The following ANO10 variants were observed in gnomAD, a reference collection of about 807,000 sequenced individuals.
ANO10 encodes the protein anoctamin 10.
Under a neutral mutation model 74.7 loss-of-function variants are expected in ANO10, and 77 were observed. The ratio of observed to expected loss-of-function variants is 1.03; its 90% CI spans 0.86 to 1.25. ANO10 has a LOEUF of 1.25. Ranked by LOEUF, ANO10 falls within the 50% of genes most tolerant of loss-of-function variation. ANO10 has a pLI of 0.00. For synonymous variants in ANO10, 279 were observed against 284.9 expected (o/e 0.98, Z 0.21); for missense variants, 721 against 778.1 (o/e 0.93, Z 0.87).
intron 12 of ANO10, 70 bp from the exon 13 acceptor site, chr3:43,367,044 G>T: frequency 6.9e-7 from 1 of 1,453,592 alleles, no homozygotes; most frequent in Non-Finnish European, 9.5e-7. Context: ...TCTGCTCTCT[G>T]TGGAAGCCTG....
In ANO10 at chr3:43,556,874, T is replaced by A. The variant is rs904991166; in HGVS notation, c.1477-1405A>T. Among the ~76,000 whole-genome samples, 5 of 152,178 alleles carry A rather than the reference T, an allele frequency of 3.3e-5. No individual in the cohort carries two copies. In the South Asian group the frequency reaches 1.0e-3, roughly 32 times the overall value. ...ACATACCAGTAAGCCTAGTAGATAA[T>A]AAAAAGGGTAAAAACTGAAGGAAGA... On this transcript the variant is annotated intron_variant, in intron 9 of 12. Transcript: ENST00000292246.
intron 12 of ANO10, among the ~76,000 whole-genome samples, chr3:43,382,518 CA>C (rs71616090): frequency 0.28 from 26,346 of 92,580 alleles, 2,549 homozygotes; most frequent in Middle Eastern, 0.48. Context: ...GACTCCGTCT[CA>C]AAAAAAAAAA....
At chr3:43,461,540 A>G (rs1253317055) in intron 11 of ANO10, among the ~76,000 whole-genome samples, 1 of 152,300 alleles carries the variant, frequency 6.6e-6, no homozygotes, top group East Asian at 1.9e-4. Context: ...CACTGGAGCA[A>G]GTCATCCCTG....
chr3:43,519,325 A>G (rs1242682878), intron 11 of ANO10, among the ~76,000 whole-genome samples: 2 of 152,172 alleles, frequency 1.3e-5, no homozygotes, highest in Non-Finnish European at 2.9e-5. Context: ...TCCACAGAGC[A>G]CATTACATAC....
chr3:43,606,520 G>T (rs1243242797), intron 1 of ANO10, among the ~76,000 whole-genome samples: 1 of 152,052 alleles, frequency 6.6e-6, no homozygotes, highest in Non-Finnish European at 1.5e-5. Context: ...GAGTGTGGGA[G>T]GCCAGTTAGG....
At chr3:43,597,401 G>A (rs1056474771) in intron 4 of ANO10, among the ~76,000 whole-genome samples, 8 of 152,144 alleles carry the variant, frequency 5.3e-5, no homozygotes, top group African/African-American at 1.9e-4. Context: ...AGAAAATGTG[G>A]CACATATACA....
intron 12 of ANO10, among the ~76,000 whole-genome samples, chr3:43,412,112 G>C (rs1229079593): frequency 6.7e-5 from 10 of 150,374 alleles, no homozygotes; most frequent in Admixed American, 4.7e-4. Flanking sequence ...AGGCTATCTG[G>C]ATAGTTATAA....
At position 43,577,092 on chromosome 3, in the gene ANO10, G is replaced by A. The variant is rs1559730126; in HGVS notation, c.762C>T (p.Ser254=). 6.2e-7 allele frequency: 1 copy of A among 1,614,092 alleles called. No homozygotes were observed. The highest frequency in any genetic ancestry group is 2.2e-5 in the East Asian group (1 of 44,880). The part of the protein sequence containing the change: ...VIFASFNLIW[S]TVILELWKRG... ...GCTTCCACAGTTCCAGAATCACCGT[G>A]GACCAGATGAGGTTGAACGAGGCAA... The change falls in exon 6 of 13, where the codon TCC becomes TCT. Residue 254 remains serine (S), a synonymous_variant. Transcript: ENST00000292246.
At chr3:43,658,935 G>A (rs1461461546) in intron 1 of ANO10, among the ~76,000 whole-genome samples, 1 of 152,012 alleles carries the variant, frequency 6.6e-6, no homozygotes, top group Non-Finnish European at 1.5e-5. Flanking sequence ...TGACCTGGGT[G>A]GTAGTTGTGT....
intron 12 of ANO10, among the ~76,000 whole-genome samples, chr3:43,394,337 T>C (rs2092336539): frequency 6.6e-6 from 1 of 152,180 alleles, no homozygotes. Context: ...AGTCCAGCTC[T>C]ATCCTCTATG....
chr3:43,550,201 A>G (rs1438906936), intron 10 of ANO10, among the ~76,000 whole-genome samples: 1 of 152,214 alleles, frequency 6.6e-6, no homozygotes, highest in Non-Finnish European at 1.5e-5. Flanking sequence ...CACATTAAAA[A>G]ACAGGTAAGA....
At chr3:43,396,452 C>T (rs573163031) in intron 12 of ANO10, among the ~76,000 whole-genome samples, 45 of 152,064 alleles carry the variant, frequency 3.0e-4, no homozygotes, top group Non-Finnish European at 5.9e-4. Context: ...CATTCTCCTG[C>T]CTCAGCCTCC....
In ANO10 at chr3:43,649,263, T is replaced by C. The variant is rs35794830; in HGVS notation, c.-12+42254A>G. Among the ~76,000 whole-genome samples, 1,521 of 152,334 alleles carry C rather than the reference T, an allele frequency of 1.0e-2. 17 individuals are homozygous for C. Among genetic ancestry groups the C allele is most frequent in the Non-Finnish European group, 0.017 (1,186 of 68,030 alleles). ...CATTTGACTTTACTCTTCCATAAAATGGGGTTATGTTTTGTTTACCTCACA... is the reference window on the plus strand; with the variant it reads ...CATTTGACTTTACTCTTCCATAAAACGGGGTTATGTTTTGTTTACCTCACA... On this transcript the variant is annotated intron_variant, in intron 1 of 3. Transcript: ENST00000413397.
chr3:43,491,970 A>G (rs1225491179), intron 11 of ANO10, among the ~76,000 whole-genome samples: 3 of 152,156 alleles, frequency 2.0e-5, no homozygotes, highest in Admixed American at 2.0e-4. Flanking sequence ...TCCCAGAGAG[A>G]TCAAAGCAGA....
chr3:43,436,236 GA>G (rs1409337447), intron 11 of ANO10, among the ~76,000 whole-genome samples: 3 of 150,500 alleles, frequency 2.0e-5, no homozygotes, highest in Non-Finnish European at 3.0e-5. Context: ...ATCTGAGAAA[GA>G]AAAAAAACCA....
intron 1 of ANO10, among the ~76,000 whole-genome samples, chr3:43,667,072 G>GTTTTTTTTT (rs55764466): frequency 5.3e-5 from 3 of 56,124 alleles, no homozygotes; most frequent in African/African-American, 7.0e-5. Flanking sequence ...TACAATGCAT[G>GTTTTTTTTT]TTTTTTTTTT....
intron 11 of ANO10, among the ~76,000 whole-genome samples, chr3:43,518,261 A>G (rs2077795329): frequency 6.6e-6 from 1 of 152,122 alleles, no homozygotes; most frequent in South Asian, 2.1e-4. Flanking sequence ...CTTTACTACA[A>G]TCTCTGAACA....
chr3:43,587,245 G>T (rs1398541891), intron 4 of ANO10, among the ~76,000 whole-genome samples: 3 of 152,152 alleles, frequency 2.0e-5, no homozygotes, highest in South Asian at 4.1e-4. Context: ...GCAAGTAAAA[G>T]TACCTATAAC....
chr3:43,498,497 A>G (rs2076990955), intron 11 of ANO10, among the ~76,000 whole-genome samples: 1 of 152,214 alleles, frequency 6.6e-6, no homozygotes, highest in Non-Finnish European at 1.5e-5. Context: ...TGTCCTAGAA[A>G]GTAACAGAAA....
Sources: gnomAD v4.1 joint callset for allele counts (sites outside exome capture counted in the v4.1 genomes callset) on GRCh38, gnomAD v4.1.1 for gene constraint, MANE v1.5 for transcripts, NCBI Gene and HGNC (gene_info 2026-07-23, HGNC 2026-07-21) for gene names.